Variants in SESN1 observed in about 807,000 individuals in gnomAD.
The protein encoded by SESN1 is sestrin 1.
In SESN1, 30 loss-of-function variants were observed where a neutral mutation model predicts 59.3. The observed-to-expected ratio is 0.51, with a 90% CI of 0.38 to 0.69. SESN1 has a LOEUF of 0.69. SESN1 is among the 30% of genes least tolerant of loss of function. The pLI is 0.00. For synonymous variants in SESN1, 197 were observed against 219.9 expected (o/e 0.90, Z 0.92); for missense variants, 566 against 673.0 (o/e 0.84, Z 1.76).
At chr6:109,076,729 C>T (rs1178515764) in intron 1 of SESN1, among the ~76,000 whole-genome samples, 2 of 152,126 alleles carry the variant, frequency 1.3e-5, no homozygotes, top group African/African-American at 4.8e-5. Flanking sequence ...GCAGTGTATA[C>T]TTGTGTAAAT....
At chr6:109,001,159 GAC>G in intron 3 of SESN1, 127 bp downstream of exon 3, 1 of 791,586 alleles carries the variant, frequency 1.3e-6, no homozygotes, top group Non-Finnish European at 2.0e-6. Flanking sequence ...GAAAAACAGA[GAC>G]TGTGCAACAG....
Position 109,001,452 on chromosome 6 carries a change from C to T in SESN1, c.382G>A (p.Ala128Thr). Residue 128 changes from alanine (A) to threonine (T), a missense_variant, in exon 3 of 10, where the codon GCT (alanine) becomes ACT (threonine). By Grantham distance (58) the Ala-to-Thr change is moderately conservative. Coordinates refer to ENST00000436639, the MANE Select transcript of SESN1 (RefSeq NM_014454.3). ...QVGSEDAQMH[A>T]LFADSFAALG... ...GCAGCAAAAGAATCTGCAAATAAAG[C>T]ATGCATCTGTGCGTCTTCACTCCCC... 1 of 1,613,710 alleles carries T rather than the reference C, an allele frequency of 6.2e-7. No individual in the cohort carries two copies. The highest frequency in any genetic ancestry group is 8.5e-7 in the Non-Finnish European group (1 of 1,179,764).
intron 1 of SESN1, among the ~76,000 whole-genome samples, chr6:109,064,394 A>G (rs2114458009): frequency 6.6e-6 from 1 of 151,544 alleles, no homozygotes; most frequent in Middle Eastern, 3.4e-3. Context: ...TCATGGATTC[A>G]GCTACCTAGA....
intron 1 of SESN1, among the ~76,000 whole-genome samples, chr6:109,062,530 G>A (rs1425464156): frequency 6.6e-6 from 1 of 152,140 alleles, no homozygotes; most frequent in Non-Finnish European, 1.5e-5. Flanking sequence ...ATTATGTGAG[G>A]CCATGTAAAA....
intron 1 of SESN1, among the ~76,000 whole-genome samples, chr6:109,085,083 A>G (rs1298538356): frequency 1.3e-5 from 2 of 151,680 alleles, no homozygotes; most frequent in Non-Finnish European, 2.9e-5. Flanking sequence ...ACTTTATGGT[A>G]CATGTATCTT....
In SESN1 at chr6:108,998,649, C is replaced by G. The variant is rs1416772262; in HGVS notation, c.836G>C (p.Gly279Ala). The change falls in exon 5 of 10, where the codon GGA (glycine) becomes GCA (alanine). Residue 279 changes from glycine (G) to alanine (A), a missense_variant. Physicochemically the swap from Gly to Ala is moderately conservative, Grantham distance 60 (BLOSUM62 0). Transcript: ENST00000436639. Reference sequence around the variant, plus strand: ...ATCACAATGAATTTCTGGACTGATTCCACAGCCGAATGTGAATGAGGCAAG... The same window carrying G: ...ATCACAATGAATTTCTGGACTGATTGCACAGCCGAATGTGAATGAGGCAAG... ...HSLASFTFGC[G>A]ISPEIHCDGG... 3 of 1,613,902 alleles carry G rather than the reference C, an allele frequency of 1.9e-6. No homozygotes were observed. The highest frequency in any genetic ancestry group is 2.2e-5 in the East Asian group (1 of 44,882).
At chr6:109,009,391 T>TGCAGCCCA (rs1779809517) in intron 1 of SESN1, 2 of 1,465,992 alleles carry the variant, frequency 1.4e-6, no homozygotes, top group Middle Eastern at 4.1e-4. Flanking sequence ...CCGCACTGCT[T>TGCAGCCCA]GCAGCCCAGC....
chr6:109,052,136 C>G (rs569953650), intron 1 of SESN1, among the ~76,000 whole-genome samples: 2 of 152,270 alleles, frequency 1.3e-5, no homozygotes, highest in African/African-American at 4.8e-5. Context: ...GCAAATACAT[C>G]AAAATGAAAA....
At chr6:109,025,640 AT>A (rs1210332044) in intron 1 of SESN1, among the ~76,000 whole-genome samples, 1 of 151,718 alleles carries the variant, frequency 6.6e-6, no homozygotes, top group Non-Finnish European at 1.5e-5. Flanking sequence ...CTATCAAAAA[AT>A]AACTAGACAG....
intron 1 of SESN1, among the ~76,000 whole-genome samples, chr6:109,052,312 T>G (rs1224406177): frequency 6.6e-6 from 1 of 152,188 alleles, no homozygotes; most frequent in Non-Finnish European, 1.5e-5. Flanking sequence ...AAGATAATTT[T>G]TGTTATTATA....
At chr6:109,047,058 A>C (rs1390202915) in intron 1 of SESN1, among the ~76,000 whole-genome samples, 1 of 756 alleles carries the variant, frequency 1.3e-3, no homozygotes, top group Non-Finnish European at 2.4e-3. Flanking sequence ...TCAGCCCTCC[A>C]CCCGGCCAGC....
chr6:109,045,937 G>C (rs1470739155), intron 1 of SESN1, among the ~76,000 whole-genome samples: 1 of 152,074 alleles, frequency 6.6e-6, no homozygotes, highest in African/African-American at 2.4e-5. Context: ...ATAAGAATTT[G>C]ATTTTGAACC....
intron 1 of SESN1, among the ~76,000 whole-genome samples, chr6:109,025,169 C>A (rs1780071542): frequency 1.3e-5 from 2 of 151,844 alleles, no homozygotes; most frequent in African/African-American, 4.8e-5. Context: ...GAAAAACACC[C>A]CATTTACAAA....
chr6:109,009,548 C>G, intron 1 of SESN1: 2 of 1,003,254 alleles, frequency 2.0e-6, no homozygotes, highest in Non-Finnish European at 2.3e-6. Context: ...TCAGTCAGCA[C>G]GGACGGCGGG....
At chr6:109,092,082 T>C (rs1391489705) in intron 1 of SESN1, among the ~76,000 whole-genome samples, 2 of 152,220 alleles carry the variant, frequency 1.3e-5, no homozygotes, top group African/African-American at 4.8e-5. Context: ...AGTATAAGTC[T>C]ATAGGGAACC....
chr6:109,021,714 G>A (rs1310783232), intron 1 of SESN1, among the ~76,000 whole-genome samples: 1 of 151,770 alleles, frequency 6.6e-6, no homozygotes, highest in African/African-American at 2.4e-5. Context: ...TGGGATTATA[G>A]GCATGAGCCA....
chr6:109,092,172 T>C (rs1781325633), intron 1 of SESN1, among the ~76,000 whole-genome samples: 1 of 152,238 alleles, frequency 6.6e-6, no homozygotes, highest in Non-Finnish European at 1.5e-5. Flanking sequence ...ATTTCACTTA[T>C]GAAAGGGAGA....
intron 1 of SESN1, among the ~76,000 whole-genome samples, chr6:109,053,046 A>ATG (rs148045407): frequency 0.02 from 2,999 of 147,350 alleles, 42 homozygotes; most frequent in African/African-American, 0.033. Flanking sequence ...CAAGACTAGG[A>ATG]TGTGTGTGTG....
At chr6:109,057,473 GGTT>G (rs2114450596) in intron 1 of SESN1, among the ~76,000 whole-genome samples, 2 of 152,166 alleles carry the variant, frequency 1.3e-5, no homozygotes, top group East Asian at 3.9e-4. Flanking sequence ...TACATAGTAG[GGTT>G]TTTTTGTTAT....
Sources: allele counts gnomAD v4.1 joint callset (sites outside exome capture counted in the v4.1 genomes callset), GRCh38; gene constraint gnomAD v4.1.1; transcripts MANE v1.5; gene names NCBI Gene and HGNC (gene_info 2026-07-23, HGNC 2026-07-21).